The following MAP7 variants were observed in gnomAD, a reference collection of about 807,000 sequenced individuals.
MAP7 encodes ensconsin.
A neutral mutation model predicts 94.8 loss-of-function variants in MAP7; 52 were observed. The observed-to-expected ratio is 0.55, with a 90% CI of 0.44 to 0.69. The LOEUF is 0.69. MAP7 is among the 30% of genes least tolerant of loss of function. The probability of loss-of-function intolerance (pLI) is 0.00; values close to 1 mark genes in which losing one functional copy is unlikely to be tolerated. For missense variants in MAP7, 940 were observed against 964.6 expected (o/e 0.97, Z 0.34); for synonymous variants, 350 against 357.0 (o/e 0.98, Z 0.22).
chr6:136,417,039 AGG>A (rs1789710357), intron 2 of MAP7, among the ~76,000 whole-genome samples: 1 of 152,156 alleles, frequency 6.6e-6, no homozygotes, highest in Non-Finnish European at 1.5e-5. Context: ...GGATCGCTTG[AGG>A]CTGGGAGATC....
chr6:136,345,946 T>A lies in MAP7; in HGVS notation c.2149A>T (p.Ile717Phe). ...AAGGCCAAAATTGGATTCAAAGGAA[T>A]TTCTGGGCTCTCACTGTTGGTGACA... ...LDVTNSESPE[I>F]PLNPILAFDD... is the part of the protein sequence containing the mutation. The change falls in exon 17 of 18, where the codon ATT becomes TTT. Residue 717 changes from isoleucine to phenylalanine, a missense_variant. Transcript: ENST00000354570. 1 of 1,614,134 alleles carries A rather than the reference T, an allele frequency of 6.2e-7. No individual in the cohort carries two copies. Among genetic ancestry groups the A allele is most frequent in the Non-Finnish European group, 8.5e-7 (1 of 1,180,004 alleles).
chr6:136,351,944 C>G (rs1789335905), intron 16 of MAP7, among the ~76,000 whole-genome samples: 1 of 152,150 alleles, frequency 6.6e-6, no homozygotes, highest in African/African-American at 2.4e-5. Context: ...CCCCCCAGCA[C>G]CCCCACTGGG....
intron 16 of MAP7, among the ~76,000 whole-genome samples, chr6:136,356,430 T>C (rs143911553): frequency 5.1e-4 from 77 of 152,196 alleles, no homozygotes; most frequent in African/African-American, 1.8e-3. Context: ...CCTCCCAAAG[T>C]GTTGGGATTA....
At chr6:136,373,835 A>C (rs770180714) in intron 7 of MAP7, among the ~76,000 whole-genome samples, 3 of 152,254 alleles carry the variant, frequency 2.0e-5, no homozygotes, top group Non-Finnish European at 4.4e-5. Context: ...TCTTAACTTC[A>C]GGATTATAGA....
intron 1 of MAP7, among the ~76,000 whole-genome samples, chr6:136,507,265 T>C (rs1163713309): frequency 2.6e-5 from 4 of 151,868 alleles, no homozygotes; most frequent in African/African-American, 9.7e-5. Context: ...CATGTGAATT[T>C]AATGAGTCTT....
intron 2 of MAP7, chr6:136,420,274 C>T (rs1016211557): frequency 1.1e-5 from 10 of 894,704 alleles, no homozygotes; most frequent in African/African-American, 1.6e-5. Flanking sequence ...GCAGAAGAGC[C>T]GGCCATGCTT....
At chr6:136,404,397 GAA>G (rs1050467651) in intron 3 of MAP7, among the ~76,000 whole-genome samples, 4 of 132,928 alleles carry the variant, frequency 3.0e-5, no homozygotes, top group African/African-American at 1.1e-4. Flanking sequence ...AATTATCTAG[GAA>G]AAAAAAAAAA....
chr6:136,524,475 T>C (rs1827283181), intron 1 of MAP7, among the ~76,000 whole-genome samples: 1 of 152,232 alleles, frequency 6.6e-6, no homozygotes, highest in Non-Finnish European at 1.5e-5. Context: ...CAACACACTC[T>C]GGTTCAATGA....
rs1460771842 is a variant in MAP7, at chr6:136,342,840, C to T, written c.*1388G>A. 3 of 152,120 alleles carry T rather than the reference C, an allele frequency of 2.0e-5. No homozygotes were observed. Among genetic ancestry groups the T allele is most frequent in the Non-Finnish European group, 2.9e-5 (2 of 68,028 alleles). The allele number at this position is 152,120 out of a possible 1,614,324, so 9.4% of individuals were successfully genotyped here. ...TTTTCTAATATAATGACTATGTGTA[C>T]ATGGACAACTGAAAACAGGGAAAAC... On this transcript the variant is annotated 3_prime_UTR_variant, in exon 18 of 18. Coordinates refer to ENST00000354570, the MANE Select transcript of MAP7 (RefSeq NM_003980.6).
chr6:136,519,176 A>G (rs186562427), intron 1 of MAP7, among the ~76,000 whole-genome samples: 14 of 152,250 alleles, frequency 9.2e-5, no homozygotes, highest in African/African-American at 3.4e-4. Context: ...TCCATCCCCT[A>G]TTATTTTTAT....
chr6:136,428,591 A>G (rs1232197872), intron 1 of MAP7, among the ~76,000 whole-genome samples: 1 of 152,154 alleles, frequency 6.6e-6, no homozygotes, highest in Non-Finnish European at 1.5e-5. Context: ...AAAACCTAAC[A>G]TGTGATAGGA....
chr6:136,391,555 A>AAACAACAACAACAAC (rs58864802), intron 3 of MAP7, among the ~76,000 whole-genome samples: 6 of 149,642 alleles, frequency 4.0e-5, no homozygotes, highest in African/African-American at 1.5e-4. Flanking sequence ...GTATAATAAA[A>AAACAACAACAACAAC]AACAACAACA....
chr6:136,449,555 T>C (rs1212802827), intron 1 of MAP7, among the ~76,000 whole-genome samples: 2 of 152,174 alleles, frequency 1.3e-5, no homozygotes, highest in African/African-American at 4.8e-5. Flanking sequence ...TGAACATGAT[T>C]TGAACAGCTG....
intron 1 of MAP7, among the ~76,000 whole-genome samples, chr6:136,456,770 A>G (rs13204557): frequency 0.41 from 19,117 of 46,408 alleles, 2,692 homozygotes; most frequent in Non-Finnish European, 0.48. Flanking sequence ...AGGAGGAGGA[A>G]GAAGAAGAAG....
chr6:136,388,540 G>C, intron 4 of MAP7, 30 bp from the exon 5 acceptor site: 1 of 1,556,528 alleles, frequency 6.4e-7, no homozygotes, highest in Non-Finnish European at 8.9e-7. Flanking sequence ...CTGAGGATTA[G>C]ATTCCAGCTG....
intron 1 of MAP7, among the ~76,000 whole-genome samples, chr6:136,436,567 A>G (rs1796433467): frequency 6.6e-6 from 1 of 152,060 alleles, no homozygotes; most frequent in South Asian, 2.1e-4. Flanking sequence ...TTTTGTAGAG[A>G]TAGAGTCTCG....
intron 6 of MAP7, among the ~76,000 whole-genome samples, chr6:136,381,873 A>C (rs187668863): frequency 0.011 from 636 of 59,218 alleles, 2 homozygotes; most frequent in Non-Finnish European, 0.014. Flanking sequence ...ACCACTTCTA[A>C]CCTTACACAC....
intron 1 of MAP7, among the ~76,000 whole-genome samples, chr6:136,460,064 G>C (rs1804661068): frequency 6.6e-6 from 1 of 151,880 alleles, no homozygotes; most frequent in Non-Finnish European, 1.5e-5. Context: ...ACTTTTGAAG[G>C]ACCAACTTAA....
In MAP7 at chr6:136,362,456, A is replaced by T; in HGVS notation, c.1520T>A (p.Leu507His). ...EERERREQEELERQKREELAQ... is the reference protein window; with the variant it reads ...EERERREQEEHERQKREELAQ... ...AGCAATGTCTCCCATTTACCTTTCA[A>T]GCTCTTCCTGCTCCCTCCTCTCCCT... Residue 507 changes from leucine to histidine, a missense_variant, in exon 11 of 18, where the codon CTT becomes CAT. Physicochemically the swap from Leu to His is moderately conservative, Grantham distance 99 (BLOSUM62 -3). Transcript: ENST00000354570. 6.2e-7 allele frequency: 1 copy of T among 1,613,736 alleles called. No homozygotes were observed.
Sources: gnomAD v4.1 joint callset for allele counts (sites outside exome capture counted in the v4.1 genomes callset) on GRCh38, gnomAD v4.1.1 for gene constraint, MANE v1.5 for transcripts, NCBI Gene and HGNC (gene_info 2026-07-23, HGNC 2026-07-21) for gene names.